Variants in MBD5 observed in about 807,000 individuals in gnomAD.
The protein encoded by MBD5 is methyl-CpG-binding domain protein 5.
In MBD5, 13 loss-of-function variants were observed where a neutral mutation model predicts 117.3. The ratio of observed to expected loss-of-function variants is 0.11; its 90% confidence interval spans 0.07 to 0.18. The LOEUF is 0.18. MBD5 is among the 10% of genes least tolerant of loss of function. The pLI, the probability that MBD5 is intolerant of heterozygous loss-of-function variation, is 1.00. For missense variants in MBD5, 1,879 were observed against 2,093.8 expected (o/e 0.90, Z 2.00); for synonymous variants, 727 against 766.4 (o/e 0.95, Z 0.85).
intron 1 of MBD5, chr2:148,025,690 T>C (rs1279887281): frequency 3.9e-5 from 6 of 152,142 alleles, no homozygotes. Flanking sequence ...TTTTCAGATA[T>C]TTTCTACCAA....
intron 4 of MBD5, among the ~76,000 whole-genome samples, chr2:148,385,123 C>G (rs1360941063): frequency 2.0e-5 from 3 of 151,892 alleles, no homozygotes; most frequent in African/African-American, 7.3e-5. Flanking sequence ...GGGATCTAAT[C>G]AAACTAAAGA....
At chr2:148,267,952 C>CTTTT (rs764230358) in intron 3 of MBD5, among the ~76,000 whole-genome samples, 2 of 127,276 alleles carry the variant, frequency 1.6e-5, no homozygotes, top group Admixed American at 8.1e-5. Flanking sequence ...TCTTTTTTTT[C>CTTTT]TTTTTTTTTT....
rs144957555 is a variant in MBD5 at position 148,490,033 on chromosome 2, C to T, written c.4401C>T (p.Val1467=). ...CTTGTCATGAAAGGCCCAACAATGT[C>T]TCTACACTGCCATTTCTGCCTGGGG... is the stretch of plus-strand genomic sequence containing the variant. The part of the protein sequence containing the change: ...SSPCHERPNN[V]STLPFLPGEQ... The change falls in exon 11 of 14, where the codon GTC becomes GTT. Residue 1467 remains valine (V), a synonymous_variant. Coordinates refer to ENST00000642680, the MANE Select transcript of MBD5 (RefSeq NM_001378120.1). The T allele has an allele frequency of 4.2e-4, 684 of 1,613,906 alleles. No individual in the cohort carries two copies. Among genetic ancestry groups the T allele is most frequent in the Non-Finnish European group, 5.1e-4 (598 of 1,179,956 alleles).
chr2:148,158,345 T>A (rs1402560805), intron 1 of MBD5, among the ~76,000 whole-genome samples: 1 of 152,230 alleles, frequency 6.6e-6, no homozygotes, highest in Non-Finnish European at 1.5e-5. Context: ...AAGAAAATTA[T>A]AAGTATTACT....
intron 1 of MBD5, among the ~76,000 whole-genome samples, chr2:148,127,111 G>A (rs1696919131): frequency 6.6e-6 from 1 of 151,898 alleles, no homozygotes; most frequent in Non-Finnish European, 1.5e-5. Flanking sequence ...GAGTAGCTGG[G>A]ACTACGGGTG....
intron 1 of MBD5, among the ~76,000 whole-genome samples, chr2:148,024,161 G>T (rs898240785): frequency 6.6e-6 from 1 of 152,108 alleles, no homozygotes; most frequent in African/African-American, 2.4e-5. Flanking sequence ...GCATGTTATT[G>T]TAAGAATATT....
chr2:148,149,820 A>T (rs908650660), intron 1 of MBD5, among the ~76,000 whole-genome samples: 6 of 151,036 alleles, frequency 4.0e-5, no homozygotes, highest in African/African-American at 1.5e-4. Context: ...GTTTGAGTTC[A>T]TTGTAGATCC....
At position 148,185,221 on chromosome 2, in the gene MBD5, G is replaced by A. The variant is rs147211623; in HGVS notation, c.-831+6428G>A. On this transcript the variant is annotated intron_variant, in intron 2 of 13. Transcript: ENST00000642680. ...CTCCTGCCCCAGATCCAAGGCCCAA[G>A]CCACCAGCCAGCACACTTACCAGTT... 2.0e-3 allele frequency among the ~76,000 whole-genome samples: 306 copies of A among 152,298 alleles called. 1 individual carries two copies. The highest frequency in any genetic ancestry group is 9.5e-3 in the South Asian group (46 of 4,824).
Position 148,473,761 on chromosome 2 carries a change from A to G in MBD5, c.2518+3300A>G, listed in dbSNP as rs148624436. Among the ~76,000 whole-genome samples the G allele has an allele frequency of 6.2e-3, 943 of 152,314 alleles. 10 individuals carry two copies. The highest frequency in any genetic ancestry group is 9.5e-3 in the Non-Finnish European group (648 of 68,024). On this transcript the variant is annotated intron_variant, in intron 8 of 13. Coordinates refer to ENST00000642680, the MANE Select transcript of MBD5 (RefSeq NM_001378120.1). ...ATAGTAGCAAAATCAGATAAAAGAT[A>G]TTAAATACTTTGAAGAATTTCTAAA... is the stretch of plus-strand genomic sequence containing the variant.
chr2:148,119,827 C>G (rs1377134522), intron 1 of MBD5, among the ~76,000 whole-genome samples: 1 of 151,856 alleles, frequency 6.6e-6, no homozygotes, highest in Non-Finnish European at 1.5e-5. Context: ...GGATTTACTT[C>G]TGACTCTCTG....
At chr2:148,404,654 A>G (rs1705023623) in intron 4 of MBD5, among the ~76,000 whole-genome samples, 1 of 152,160 alleles carries the variant, frequency 6.6e-6, no homozygotes, top group Non-Finnish European at 1.5e-5. Flanking sequence ...CGTTCTAGGG[A>G]TCACTTCATT....
intron 1 of MBD5, among the ~76,000 whole-genome samples, chr2:148,040,623 T>C (rs1203403869): frequency 6.6e-6 from 1 of 152,220 alleles, no homozygotes; most frequent in East Asian, 1.9e-4. Context: ...ATTTCTGTTA[T>C]ATTTATTCAA....
intron 2 of MBD5, among the ~76,000 whole-genome samples, chr2:148,179,776 A>G (rs1698477632): frequency 2.0e-5 from 3 of 152,162 alleles, no homozygotes; most frequent in South Asian, 2.1e-4. Context: ...TTCCTTGCCA[A>G]ATGGGGACAA....
At chr2:148,101,341 A>G (rs897409700) in intron 1 of MBD5, among the ~76,000 whole-genome samples, 1 of 152,046 alleles carries the variant, frequency 6.6e-6, no homozygotes, top group African/African-American at 2.4e-5. Context: ...ACATGCCTAT[A>G]TTACTAGTCA....
intron 1 of MBD5, among the ~76,000 whole-genome samples, chr2:148,144,150 G>T (rs565418842): frequency 1.3e-5 from 2 of 152,156 alleles, no homozygotes; most frequent in South Asian, 4.2e-4. Flanking sequence ...TAACTGGTGT[G>T]AGATGGTATC....
intron 3 of MBD5, among the ~76,000 whole-genome samples, chr2:148,253,218 G>A (rs189521112): frequency 9.5e-4 from 144 of 152,206 alleles, no homozygotes; most frequent in African/African-American, 3.1e-3. Flanking sequence ...TGAGAAAATT[G>A]ATAAAGAATT....
chr2:148,124,390 A>G (rs1447681496), intron 1 of MBD5, among the ~76,000 whole-genome samples: 3 of 152,176 alleles, frequency 2.0e-5, no homozygotes, highest in African/African-American at 7.2e-5. Flanking sequence ...CTGCCTGGGC[A>G]ACACAGGGAG....
intron 1 of MBD5, among the ~76,000 whole-genome samples, chr2:148,046,864 G>A (rs1694549763): frequency 6.6e-6 from 1 of 151,910 alleles, no homozygotes; most frequent in South Asian, 2.1e-4. Flanking sequence ...CCTTTTTATT[G>A]GTTTATATAA....
intron 4 of MBD5, among the ~76,000 whole-genome samples, chr2:148,430,100 A>G (rs531359362): frequency 6.6e-6 from 1 of 152,298 alleles, no homozygotes; most frequent in South Asian, 2.1e-4. Context: ...CAGAGCATAC[A>G]TTCTGTGTGA....
Sources: gnomAD v4.1 joint callset for allele counts (sites outside exome capture counted in the v4.1 genomes callset) on GRCh38, gnomAD v4.1.1 for gene constraint, MANE v1.5 for transcripts, NCBI Gene and HGNC (gene_info 2026-07-23, HGNC 2026-07-21) for gene names.